SLC29A4: variants seen among roughly 807,000 people sequenced by gnomAD.
SLC29A4 encodes equilibrative nucleoside transporter 4.
In SLC29A4, 36 loss-of-function variants were observed where a neutral mutation model predicts 43.9. That is an observed-to-expected ratio of 0.82 (90% CI 0.63 to 1.08). The LOEUF is 1.08. SLC29A4 is among the 50% of genes least tolerant of loss of function. The pLI, the probability that SLC29A4 is intolerant of heterozygous loss-of-function variation, is 0.00. For synonymous variants in SLC29A4, 491 were observed against 338.0 expected (o/e 1.45, Z -4.97); for missense variants, 869 against 755.3 (o/e 1.15, Z -1.77).
chr7:5,289,007 T>A (rs1785139616), intron 2 of SLC29A4, among the ~76,000 whole-genome samples: 1 of 152,132 alleles, frequency 6.6e-6, no homozygotes, highest in Admixed American at 6.6e-5. Context: ...ATCCACAGAA[T>A]CTTGCTTGGG....
intron 7 of SLC29A4, among the ~76,000 whole-genome samples, chr7:5,297,672 G>A (rs1431992909): frequency 6.6e-6 from 1 of 152,208 alleles, no homozygotes; most frequent in Non-Finnish European, 1.5e-5. Context: ...GGGACGCCAG[G>A]AGGGAAGTCA....
intron 5 of SLC29A4, among the ~76,000 whole-genome samples, chr7:5,293,770 G>C (rs1187795644): frequency 6.6e-6 from 1 of 152,158 alleles, no homozygotes; most frequent in African/African-American, 2.4e-5. Flanking sequence ...CCCCCACATA[G>C]CTGGGATTAC....
intron 10 of SLC29A4, among the ~76,000 whole-genome samples, chr7:5,302,373 C>T (rs570855445): frequency 5.9e-5 from 9 of 152,244 alleles, no homozygotes; most frequent in African/African-American, 2.2e-4. Flanking sequence ...GACGGAGTCT[C>T]TACAAAAAAA....
intron 7 of SLC29A4, among the ~76,000 whole-genome samples, 193 bp from the exon 8 acceptor site, chr7:5,298,795 C>G (rs1248975730): frequency 1.3e-5 from 2 of 152,154 alleles, no homozygotes; most frequent in Non-Finnish European, 1.5e-5. Context: ...GCAAGACCCT[C>G]TCTCTAAAAC....
At chr7:5,294,671 A>G (rs1195464119) in intron 5 of SLC29A4, among the ~76,000 whole-genome samples, 189 bp from the exon 6 acceptor site, 4 of 152,142 alleles carry the variant, frequency 2.6e-5, no homozygotes, top group South Asian at 2.1e-4. Context: ...GAGCTTGTCA[A>G]TGACCCTGGC....
intron 1 of SLC29A4, among the ~76,000 whole-genome samples, chr7:5,286,020 A>AT (rs1784921759): frequency 6.6e-6 from 1 of 151,646 alleles, no homozygotes; most frequent in African/African-American, 2.4e-5. Flanking sequence ...AGAAAAAAAA[A>AT]CAAAAAACAA....
At chr7:5,291,894 C>T in intron 5 of SLC29A4, 73 bp downstream of exon 5, 3 of 1,538,828 alleles carry the variant, frequency 1.9e-6, no homozygotes, top group Middle Eastern at 2.4e-4. Flanking sequence ...CCCTGGTCTC[C>T]TGCTGGTGGC....
chr7:5,288,506 G>A lies in SLC29A4; in HGVS notation c.169+521G>A, dbSNP rs185843314. On this transcript the variant is annotated intron_variant, in intron 2 of 10. Transcript: ENST00000396872. Reference sequence around the variant, plus strand: ...TTTTTAGTAGAGACGGGGTTTCACCGTGGTCTCGATCTCCTGACCTCATGA... The same window carrying A: ...TTTTTAGTAGAGACGGGGTTTCACCATGGTCTCGATCTCCTGACCTCATGA... Among the ~76,000 whole-genome samples the A allele has an allele frequency of 3.1e-3, 463 of 151,444 alleles. 4 individuals are homozygous for A. Among genetic ancestry groups the A allele is most frequent in the African/African-American group, 0.011 (441 of 41,256 alleles).
rs1344914901 is a variant in SLC29A4 at position 5,304,285 on chromosome 7, C to G, written c.*1346C>G. The G allele has an allele frequency of 6.6e-6, 1 of 151,814 alleles. No individual in the cohort carries two copies. Among genetic ancestry groups the G allele is most frequent in the Non-Finnish European group, 1.5e-5 (1 of 68,192 alleles). The allele number at this position is 151,814 out of a possible 1,614,324, so 9.4% of individuals were successfully genotyped here. A position where few individuals can be genotyped will look rare whatever the true frequency, so the allele number is the denominator to read the frequency against. On this transcript the variant is annotated 3_prime_UTR_variant, in exon 11 of 11. Coordinates refer to ENST00000396872, the MANE Select transcript of SLC29A4 (RefSeq NM_153247.4). Reference sequence around the variant, plus strand: ...AGCTGGGAGCACTTAGGGTTTGTCGCTCACCTTGACCGCCCGCCCCCCCCA... The same window carrying G: ...AGCTGGGAGCACTTAGGGTTTGTCGGTCACCTTGACCGCCCGCCCCCCCCA...
chr7:5,294,936 T>C lies in SLC29A4; in HGVS notation c.619+2T>C, dbSNP rs936385402. ...CGCAGGGGGTGATGACCGGGGAGAG[T>C]GAGTATCTGCAGACCCCCCGGGGAG... On this transcript the variant is annotated splice_donor_variant, in intron 6 of 10. Transcript: ENST00000396872. LOFTEE classifies it high-confidence loss of function. 1.9e-6 allele frequency: 3 copies of C among 1,599,868 alleles called. No individual in the cohort carries two copies.
chr7:5,290,107 G>A (rs1183393863), intron 2 of SLC29A4, among the ~76,000 whole-genome samples: 2 of 148,122 alleles, frequency 1.4e-5, no homozygotes, highest in Admixed American at 6.8e-5. Flanking sequence ...AGGTTGGAGT[G>A]CAGTGGCGCG....
At chr7:5,295,773 C>A (rs999990169) in intron 6 of SLC29A4, among the ~76,000 whole-genome samples, 1 of 91,652 alleles carries the variant, frequency 1.1e-5, no homozygotes, top group Non-Finnish European at 2.6e-5. Context: ...TCCAGACTCC[C>A]ACGTGGGAGG....
chr7:5,300,860 C>T, intron 10 of SLC29A4, among the ~76,000 whole-genome samples, 198 bp downstream of exon 10: 1 of 152,232 alleles, frequency 6.6e-6, no homozygotes, highest in East Asian at 1.9e-4. Context: ...CATCCCACAA[C>T]TACTTGGTGA....
At position 5,302,845 on chromosome 7, in the gene SLC29A4, C is replaced by T. The variant is rs1406651458; in HGVS notation, c.1499C>T (p.Ala500Val). The T allele has an allele frequency of 2.5e-6, 4 of 1,587,914 alleles. No individual in the cohort carries two copies. The highest frequency in any genetic ancestry group is 2.6e-6 in the Non-Finnish European group (3 of 1,167,516). ...ATGTCAGGGCTGACGCTGGGGTCCG[C>T]CGTGGCCTACTGCACCTACAGCCTC... ...SYMSGLTLGS[A>V]VAYCTYSLTR... Residue 500 changes from alanine (A) to valine (V), a missense_variant, in exon 11 of 11, where the codon GCC (alanine) becomes GTC (valine). By Grantham distance (64) the Ala-to-Val change is moderately conservative. Coordinates refer to ENST00000396872, the MANE Select transcript of SLC29A4 (RefSeq NM_153247.4).
intron 2 of SLC29A4, among the ~76,000 whole-genome samples, chr7:5,289,764 A>G (rs956009542): frequency 6.6e-6 from 1 of 152,228 alleles, no homozygotes; most frequent in South Asian, 2.1e-4. Flanking sequence ...AGATAAAGGC[A>G]GTGACAAGGT....
At chr7:5,287,214 A>G (rs1463037145) in intron 1 of SLC29A4, among the ~76,000 whole-genome samples, 1 of 152,104 alleles carries the variant, frequency 6.6e-6, no homozygotes, top group Non-Finnish European at 1.5e-5. Context: ...GGAGTTGGAG[A>G]CCAGCCTGGG....
At chr7:5,296,884 G>T (rs1315455928) in intron 6 of SLC29A4, 52 bp from the exon 7 acceptor site, 5 of 1,416,018 alleles carry the variant, frequency 3.5e-6, no homozygotes, top group South Asian at 2.6e-5. Context: ...GGGACGGGGC[G>T]GTGCAGGGAG....
intron 2 of SLC29A4, among the ~76,000 whole-genome samples, chr7:5,288,506 G>T (rs185843314): frequency 6.6e-6 from 1 of 151,332 alleles, no homozygotes; most frequent in Admixed American, 6.6e-5. Context: ...GGGTTTCACC[G>T]TGGTCTCGAT....
At chr7:5,295,877 T>C (rs1785616286) in intron 6 of SLC29A4, among the ~76,000 whole-genome samples, 1 of 152,106 alleles carries the variant, frequency 6.6e-6, no homozygotes, top group African/African-American at 2.4e-5. Flanking sequence ...GCGTGGTTTA[T>C]GGAGTCAAGG....
Sources: gnomAD v4.1 joint callset for allele counts (sites outside exome capture counted in the v4.1 genomes callset) on GRCh38, gnomAD v4.1.1 for gene constraint, MANE v1.5 for transcripts, NCBI Gene and HGNC (gene_info 2026-07-23, HGNC 2026-07-21) for gene names.